Variants in KCNK2 observed in about 807,000 individuals in gnomAD.
The protein encoded by KCNK2 is potassium channel subfamily K member 2.
A neutral mutation model predicts 40.5 loss-of-function variants in KCNK2; 21 were observed. The observed-to-expected ratio is 0.52, with a 90% CI of 0.37 to 0.75. The LOEUF (loss-of-function observed/expected upper bound fraction) is 0.75, where lower values mean the gene tolerates loss of function less well. Ranked by LOEUF, KCNK2 falls within the 30% of genes least tolerant of loss-of-function variation. The pLI, the probability that KCNK2 is intolerant of heterozygous loss-of-function variation, is 0.00. For synonymous variants in KCNK2, 191 were observed against 202.2 expected (o/e 0.94, Z 0.47); for missense variants, 399 against 531.6 (o/e 0.75, Z 2.45).
intron 3 of KCNK2, among the ~76,000 whole-genome samples, chr1:215,145,137 G>C (rs991878316): frequency 6.6e-6 from 1 of 152,034 alleles, no homozygotes; most frequent in African/African-American, 2.4e-5. Context: ...ATTTTTTATT[G>C]ACATCAGACC....
chr1:215,137,595 A>T (rs1198707531), intron 3 of KCNK2, among the ~76,000 whole-genome samples: 1 of 152,194 alleles, frequency 6.6e-6, no homozygotes. Flanking sequence ...TTGAATCCTG[A>T]TTCTAATATT....
chr1:215,088,216 G>A (rs1332749842), intron 2 of KCNK2, among the ~76,000 whole-genome samples: 1 of 152,114 alleles, frequency 6.6e-6, no homozygotes, highest in Non-Finnish European at 1.5e-5. Context: ...CTGAAGAAGA[G>A]CTCTTGGATA....
chr1:215,113,465 A>T (rs1660790661), intron 2 of KCNK2, among the ~76,000 whole-genome samples: 1 of 152,198 alleles, frequency 6.6e-6, no homozygotes, highest in Admixed American at 6.5e-5. Flanking sequence ...ATAAGTATGT[A>T]TCTGATTCCT....
rs541384805 is a variant in KCNK2 at position 215,223,531 on chromosome 1, A to G, written c.964-11297A>G. 5.5e-4 allele frequency among the ~76,000 whole-genome samples: 84 copies of G among 152,242 alleles called. 1 individual carries two copies. In the South Asian group the frequency reaches 0.017, roughly 30 times the overall value. ...GGACAAGATTGTAGGACTGCAAGGG[A>G]AAAAAAGTGACCTTGTACATAAAGT... On this transcript the variant is annotated intron_variant, in intron 6 of 6. Coordinates refer to ENST00000444842, the MANE Select transcript of KCNK2 (RefSeq NM_001017425.3).
chr1:215,085,208 A>G lies in KCNK2; in HGVS notation c.47-1160A>G, dbSNP rs779226561. Among the ~76,000 whole-genome samples the G allele has an allele frequency of 8.5e-5, 13 of 152,334 alleles. 1 individual carries two copies. Among genetic ancestry groups the G allele is most frequent in the Admixed American group, 3.3e-4 (5 of 15,306 alleles). ...ATTATCATTTTATAATCTATATTAT[A>G]TACACGATAGCAAGTTTACTGAAAT... On this transcript the variant is annotated intron_variant, in intron 1 of 6. Transcript: ENST00000444842.
chr1:215,223,241 T>TAAAAAAAAAA (rs56890763), intron 6 of KCNK2, among the ~76,000 whole-genome samples: 5,385 of 111,614 alleles, frequency 0.048, 175 homozygotes, highest in Middle Eastern at 0.078. Flanking sequence ...AGCTCTTTTC[T>TAAAAAAAAAA]AAAAAAAAAA....
intron 5 of KCNK2, among the ~76,000 whole-genome samples, chr1:215,187,261 G>C (rs543534618): frequency 6.6e-6 from 1 of 152,220 alleles, no homozygotes; most frequent in East Asian, 1.9e-4. Context: ...CATCAATAAT[G>C]ATGTATAATC....
intron 4 of KCNK2, among the ~76,000 whole-genome samples, chr1:215,170,055 A>C (rs183024937): frequency 6.6e-6 from 1 of 152,184 alleles, no homozygotes; most frequent in African/African-American, 2.4e-5. Context: ...GGTACTATGG[A>C]GGCATCACTC....
At chr1:215,141,811 A>G (rs1236091850) in intron 3 of KCNK2, among the ~76,000 whole-genome samples, 1 of 152,068 alleles carries the variant, frequency 6.6e-6, no homozygotes, top group African/African-American at 2.4e-5. Flanking sequence ...TCATTTTTTA[A>G]GAGATTTTTT....
chr1:215,077,113 G>A (rs1162466640), intron 1 of KCNK2, among the ~76,000 whole-genome samples: 1 of 152,140 alleles, frequency 6.6e-6, no homozygotes, highest in Admixed American at 6.5e-5. Flanking sequence ...TGTGTCATAG[G>A]CCCATGCCTG....
chr1:215,066,542 T>C (rs966509943), intron 1 of KCNK2, among the ~76,000 whole-genome samples: 3 of 152,114 alleles, frequency 2.0e-5, no homozygotes, highest in African/African-American at 7.2e-5. Flanking sequence ...TGAGTGTGAA[T>C]CTGGTGGCTG....
intron 5 of KCNK2, among the ~76,000 whole-genome samples, chr1:215,194,162 C>T (rs935566779): frequency 1.3e-5 from 2 of 151,938 alleles, no homozygotes; most frequent in Non-Finnish European, 2.9e-5. Context: ...ATAAATGCCC[C>T]CATATTAATG....
chr1:215,208,791 G>A (rs1180606379), intron 6 of KCNK2, among the ~76,000 whole-genome samples: 1 of 151,956 alleles, frequency 6.6e-6, no homozygotes, highest in Non-Finnish European at 1.5e-5. Flanking sequence ...GTCAAAGTTT[G>A]TAATATGTCA....
chr1:215,232,683 A>T (rs1236648688), intron 6 of KCNK2, among the ~76,000 whole-genome samples: 1 of 152,178 alleles, frequency 6.6e-6, no homozygotes, highest in Non-Finnish European at 1.5e-5. Context: ...TATTACTTTT[A>T]TATTAAAAAC....
At chr1:215,091,540 T>C (rs116822598) in intron 2 of KCNK2, among the ~76,000 whole-genome samples, 1 of 152,348 alleles carries the variant, frequency 6.6e-6, no homozygotes, top group Non-Finnish European at 1.5e-5. Context: ...TTCAAAAGCA[T>C]TTGTTGAATG....
chr1:215,185,462 GA>G (rs1270118830), intron 5 of KCNK2, among the ~76,000 whole-genome samples: 1 of 152,102 alleles, frequency 6.6e-6, no homozygotes, highest in Non-Finnish European at 1.5e-5. Context: ...AGAGTCTTTG[GA>G]AAAACAGAAA....
At chr1:215,043,249 A>G (rs754795660) in intron 1 of KCNK2, among the ~76,000 whole-genome samples, 8 of 152,338 alleles carry the variant, frequency 5.3e-5, no homozygotes, top group Non-Finnish European at 1.2e-4. Context: ...TAGTTCCTCA[A>G]AAAACTATAC....
At chr1:215,123,952 A>G (rs1168169831) in intron 2 of KCNK2, among the ~76,000 whole-genome samples, 1 of 152,194 alleles carries the variant, frequency 6.6e-6, no homozygotes, top group Non-Finnish European at 1.5e-5. Context: ...CAACATTCTC[A>G]GCAATAGATC....
chr1:215,050,881 C>T (rs549443905), intron 1 of KCNK2, among the ~76,000 whole-genome samples: 1 of 152,104 alleles, frequency 6.6e-6, no homozygotes, highest in African/African-American at 2.4e-5. Context: ...TATTAGCTCC[C>T]GGCATCATTA....
Sources: gnomAD v4.1 joint callset for allele counts (sites outside exome capture counted in the v4.1 genomes callset) on GRCh38, gnomAD v4.1.1 for gene constraint, MANE v1.5 for transcripts, NCBI Gene and HGNC (gene_info 2026-07-23, HGNC 2026-07-21) for gene names.